Variants in SMARCA1 observed in about 807,000 individuals in gnomAD.
SMARCA1 encodes SNF2 related chromatin remodeling ATPase 1.
A neutral mutation model predicts 93.6 loss-of-function variants in SMARCA1; 17 were observed. The observed-to-expected ratio is 0.18, with a 90% CI of 0.12 to 0.27. The LOEUF (loss-of-function observed/expected upper bound fraction) is 0.27. SMARCA1 is among the 10% of genes least tolerant of loss of function. SMARCA1 has a pLI of 1.00. For synonymous variants in SMARCA1, 271 were observed against 271.4 expected (o/e 1.00, Z 0.01); for missense variants, 630 against 819.0 (o/e 0.77, Z 2.82).
intron 12 of SMARCA1, among the ~76,000 whole-genome samples, 188 bp from the exon 13 acceptor site, chrX:129,493,263 T>G (rs905665002): frequency 9.0e-6 from 1 of 111,544 alleles, no homozygotes; most frequent in Non-Finnish European, 1.9e-5. Context: ...TTATGGACAT[T>G]AAAAAGTACA....
chrX:129,495,644 G>A (rs1483190817), intron 12 of SMARCA1, among the ~76,000 whole-genome samples: 13 of 110,920 alleles, frequency 1.2e-4, no homozygotes, highest in African/African-American at 4.3e-4. Context: ...AATCCCAAAC[G>A]TTGGTATTAC....
At chrX:129,510,581 A>T (rs1934987331) in intron 6 of SMARCA1, among the ~76,000 whole-genome samples, 1 of 111,913 alleles carries the variant, frequency 8.9e-6, no homozygotes, top group South Asian at 3.7e-4. Context: ...AAAAAGAAAC[A>T]AAGAAATTTT....
At chrX:129,474,126 A>C (rs1344584473) in intron 19 of SMARCA1, among the ~76,000 whole-genome samples, 3 of 111,806 alleles carry the variant, frequency 2.7e-5, no homozygotes, top group Non-Finnish European at 5.6e-5. Flanking sequence ...AAATACCATA[A>C]GATGTAAATT....
At chrX:129,521,297 G>T (rs957349941) in intron 1 of SMARCA1, among the ~76,000 whole-genome samples, 7 of 112,352 alleles carry the variant, frequency 6.2e-5, no homozygotes, top group African/African-American at 2.3e-4. Flanking sequence ...CACTGTCAAA[G>T]TACACTAACT....
At position 129,447,203 on chromosome X, in the gene SMARCA1, CAGT is replaced by C. The variant is rs1932050849; in HGVS notation, c.3169_3171del (p.Thr1057del). On this transcript the variant is annotated inframe_deletion, in exon 25 of 25. Coordinates refer to ENST00000371121, the MANE Select transcript of SMARCA1 (RefSeq NM_001282874.2). ...TTGACATCCTTCTTTCCAGAGCTCT[CAGT>C]AGCTGACTCTGCTTTTCTTTTCTGT... 4.4e-6 allele frequency: 5 copies of C among 1,140,184 alleles called. No individual in the cohort carries two copies. The highest frequency in any genetic ancestry group is 1.8e-5 in the African/African-American group (1 of 55,339). The allele number at this position is 1,140,184 out of a possible 1,213,427, so 94.0% of individuals were successfully genotyped here. A position where few individuals can be genotyped will look rare whatever the true frequency, so the allele number is the denominator to read the frequency against.
intron 24 of SMARCA1, among the ~76,000 whole-genome samples, chrX:129,447,534 T>C (rs1407947813): frequency 9.0e-6 from 1 of 111,636 alleles, no homozygotes; most frequent in Non-Finnish European, 1.9e-5. Flanking sequence ...ACTTAATGTT[T>C]TCTGGGCAAA....
At chrX:129,480,954 T>C in intron 18 of SMARCA1, 121 bp downstream of exon 18, 3 of 557,188 alleles carry the variant, frequency 5.4e-6, no homozygotes, top group Non-Finnish European at 8.6e-6. Flanking sequence ...TCAGATACTT[T>C]TTTGTACTGT....
intron 19 of SMARCA1, among the ~76,000 whole-genome samples, chrX:129,474,022 A>G (rs979491881): frequency 1.8e-5 from 2 of 111,839 alleles, no homozygotes; most frequent in Non-Finnish European, 3.8e-5. Flanking sequence ...TTCTGGGTAA[A>G]ATGTACTTAT....
At chrX:129,477,551 G>T (rs1359933307) in intron 19 of SMARCA1, among the ~76,000 whole-genome samples, 1 of 110,143 alleles carries the variant, frequency 9.1e-6, no homozygotes, top group Non-Finnish European at 1.9e-5. Context: ...GTGAGACTCT[G>T]TCTCAAAAAA....
chrX:129,458,166 C>T (rs5977087), intron 23 of SMARCA1, among the ~76,000 whole-genome samples: 25,923 of 111,302 alleles, frequency 0.23, 2,701 homozygotes, highest in African/African-American at 0.39. Flanking sequence ...AAATGTGTGT[C>T]CATTTTCCAA....
intron 23 of SMARCA1, among the ~76,000 whole-genome samples, chrX:129,460,399 G>GCATGATAA (rs1276292633): frequency 9.1e-6 from 1 of 110,104 alleles, no homozygotes; most frequent in African/African-American, 3.3e-5. Flanking sequence ...TGTTATCCCA[G>GCATGATAA]CACTTTGGGA....
chrX:129,512,012 C>A, intron 5 of SMARCA1, 29 bp from the exon 6 acceptor site: 1 of 1,091,916 alleles, frequency 9.2e-7, no homozygotes, highest in Non-Finnish European at 1.2e-6. Flanking sequence ...GAAAAAAATC[C>A]ATGAACATTT....
Position 129,471,122 on chromosome X carries a change from C to T in SMARCA1, c.2565+82G>A. The T allele has an allele frequency of 3.9e-6, 3 of 765,911 alleles. No homozygotes were observed. In the South Asian group the frequency reaches 8.9e-5, roughly 23 times the overall value. 63.1% of individuals were successfully genotyped at this position (765,911 alleles called of 1,213,427 possible). ...GGTGTGTCACACTAGGATACTAGGC[C>T]CATACAATAAAAAGTGTGATCTATA... On this transcript the variant is annotated intron_variant, in intron 20 of 24. Transcript: ENST00000371121.
intron 12 of SMARCA1, among the ~76,000 whole-genome samples, chrX:129,496,548 T>C (rs1239582516): frequency 1.8e-5 from 2 of 110,872 alleles, no homozygotes; most frequent in African/African-American, 6.6e-5. Flanking sequence ...GGTGATGTCT[T>C]TGAAGACCTT....
chrX:129,494,939 C>A (rs2124287656), intron 12 of SMARCA1, among the ~76,000 whole-genome samples: 1 of 112,650 alleles, frequency 8.9e-6, no homozygotes, highest in South Asian at 3.7e-4. Flanking sequence ...CAAGTAACAT[C>A]ATTTCATTAT....
intron 14 of SMARCA1, among the ~76,000 whole-genome samples, chrX:129,491,279 T>A (rs956110005): frequency 3.6e-5 from 4 of 111,654 alleles, no homozygotes; most frequent in African/African-American, 1.3e-4. Context: ...TACTTCTAAA[T>A]TATATTTCTT....
intron 19 of SMARCA1, among the ~76,000 whole-genome samples, chrX:129,476,405 A>C (rs1319902503): frequency 8.9e-6 from 1 of 112,128 alleles, no homozygotes; most frequent in Non-Finnish European, 1.9e-5. Context: ...AGGGGGAGAA[A>C]AACAGAAAAT....
In SMARCA1 at chrX:129,523,317, G is replaced by A. The variant is rs142660676; in HGVS notation, c.54C>T (p.Thr18=). The A allele has an allele frequency of 1.4e-4, 166 of 1,200,924 alleles. 1 individual carries two copies. In the African/African-American group the frequency reaches 2.6e-3, roughly 19 times the overall value. ...VAATVAAADA[T]ATIVVIEDEQ... is the part of the protein sequence containing the mutation. ...CGTCCTCTATGACCACGATAGTGGCGGTCGCATCCGCGGCTGCCACGGTGG... is the reference window on the plus strand; with the variant it reads ...CGTCCTCTATGACCACGATAGTGGCAGTCGCATCCGCGGCTGCCACGGTGG... Residue 18 remains threonine (T), a synonymous_variant, in exon 1 of 25, where the codon ACC becomes ACT. Coordinates refer to ENST00000371121, the MANE Select transcript of SMARCA1 (RefSeq NM_001282874.2).
At chrX:129,467,693 A>G (rs1454386021) in intron 21 of SMARCA1, among the ~76,000 whole-genome samples, 1 of 110,926 alleles carries the variant, frequency 9.0e-6, no homozygotes, top group Non-Finnish European at 1.9e-5. Flanking sequence ...GATTTCTTCA[A>G]GCACTAGCAT....
Sources: allele counts gnomAD v4.1 joint callset (sites outside exome capture counted in the v4.1 genomes callset), GRCh38; gene constraint gnomAD v4.1.1; transcripts MANE v1.5; gene names NCBI Gene and HGNC (gene_info 2026-07-23, HGNC 2026-07-21).